Variants in REG3G observed in about 807,000 individuals in gnomAD.
REG3G encodes the protein regenerating family member 3 gamma, also known as regenerating islet-derived protein 3-gamma.
REG3G carries 19 observed loss-of-function variants against 20.9 expected under a neutral mutation model. The ratio of observed to expected loss-of-function variants is 0.91; its 90% CI spans 0.64 to 1.34. The LOEUF is 1.34. Ranked by LOEUF, REG3G falls within the 40% of genes most tolerant of loss-of-function variation. The pLI, the probability that REG3G is intolerant of heterozygous loss-of-function variation, is 0.00. For synonymous variants in REG3G, 89 were observed against 77.4 expected, an observed-to-expected ratio of 1.15 and a Z score of -0.79; for missense variants, 235 against 205.0, an observed-to-expected ratio of 1.15 and a Z score of -0.89.
intron 2 of REG3G, 63 bp downstream of exon 2, chr2:79,026,232 A>G: frequency 6.5e-7 from 1 of 1,533,238 alleles, no homozygotes; most frequent in East Asian, 2.3e-5. Context: ...GAAAAGGAGG[A>G]AGGCTCCTGT....
intron 2 of REG3G, 145 bp downstream of exon 2, chr2:79,026,314 A>C: frequency 1.3e-6 from 1 of 775,192 alleles, no homozygotes; most frequent in South Asian, 1.7e-5. Context: ...TCCTTCCTTC[A>C]TGTTAACTTG....
Position 79,026,188 on chromosome 2 carries a change from T to C in REG3G, c.76+19T>C. The stretch of plus-strand genomic sequence containing the variant: ...GTTCAAGGTGAGATTTCTCTGCCTC[T>C]AGCACTGGGTTCCCTATGAATCCTC... On this transcript the variant is annotated intron_variant, in intron 2 of 5. Coordinates refer to ENST00000272324, the MANE Select transcript of REG3G (RefSeq NM_001008387.3). 3 of 1,612,386 alleles carry C rather than the reference T, an allele frequency of 1.9e-6. No individual in the cohort carries two copies. The highest frequency in any genetic ancestry group is 2.5e-6 in the Non-Finnish European group (3 of 1,178,480).
Position 79,025,775 on chromosome 2 carries a change from T to A in REG3G, c.-112+2T>A. 3.6e-6 allele frequency: 1 copy of A among 279,074 alleles called. No homozygotes were observed. The highest frequency in any genetic ancestry group is 6.8e-6 in the Non-Finnish European group (1 of 146,536). 17.3% of individuals were successfully genotyped at this position (279,074 alleles called of 1,614,324 possible). On this transcript the variant is annotated splice_donor_variant, in intron 1 of 5. Coordinates refer to ENST00000272324, the MANE Select transcript of REG3G (RefSeq NM_001008387.3). LOFTEE classifies it low-confidence loss of function (5UTR_SPLICE). ...AGCATACCAGATCTCACCAGAGAGG[T>A]AAGTGGGAGCTGAGAGAAGATGAGA...
At chr2:79,026,542 C>A in intron 2 of REG3G, 171 bp from the exon 3 acceptor site, 1 of 623,822 alleles carries the variant, frequency 1.6e-6, no homozygotes, top group South Asian at 2.0e-5. Context: ...AGATGGTGGC[C>A]CATTTAGTAG....
In REG3G at chr2:79,027,190, C is replaced by T; in HGVS notation, c.333+19C>T. ...CACACAGGTGCGAGTATATCCTCCC[C>T]TCTCTGTTACCTCTCAAGGTACTGT... On this transcript the variant is annotated intron_variant, in intron 4 of 5. Coordinates refer to ENST00000272324, the MANE Select transcript of REG3G (RefSeq NM_001008387.3). 4 of 1,612,680 alleles carry T rather than the reference C, an allele frequency of 2.5e-6. No individual in the cohort carries two copies. Among genetic ancestry groups the T allele is most frequent in the African/African-American group, 2.7e-5 (2 of 74,990 alleles).
intron 2 of REG3G, 69 bp downstream of exon 2, chr2:79,026,238 C>A: frequency 6.7e-7 from 1 of 1,491,574 alleles, no homozygotes; most frequent in Non-Finnish European, 9.4e-7. Flanking sequence ...GAGGAAGGCT[C>A]CTGTGTGTCA....
rs777878756 is a variant in REG3G, at chr2:79,026,150, T to C, written c.57T>C (p.Ile19=). The C allele has an allele frequency of 1.9e-6, 3 of 1,613,890 alleles. No individual in the cohort carries two copies. The South Asian group carries it at 3.3e-5, about 18-fold the overall frequency. ...SVSWMLLSCL[I]LLCQVQGEET... is the part of the protein sequence containing the mutation. ...CCTGGATGCTGCTTTCCTGCCTCAT[T>C]CTCCTGTGTCAGGTTCAAGGTGAGA... Residue 19 remains isoleucine, a synonymous_variant, in exon 2 of 6, where the codon ATT becomes ATC. Transcript: ENST00000272324.
chr2:79,026,327 G>C (rs1191517486), intron 2 of REG3G, 158 bp downstream of exon 2: 2 of 717,756 alleles, frequency 2.8e-6, no homozygotes, highest in Non-Finnish European at 4.8e-6. Flanking sequence ...TTAACTTGCA[G>C]TGGGAGGCTC....
At chr2:79,025,955 A>G in intron 1 of REG3G, 28 bp from the exon 2 acceptor site, 1 of 753,604 alleles carries the variant, frequency 1.3e-6, no homozygotes, top group Non-Finnish European at 2.3e-6. Flanking sequence ...ACTGTAGAAG[A>G]TGATGAATGT....
chr2:79,027,813 G>A lies in REG3G; in HGVS notation c.340G>A (p.Glu114Lys), dbSNP rs1671662680. The A allele has an allele frequency of 6.2e-7, 1 of 1,614,010 alleles. No individual in the cohort carries two copies. Among genetic ancestry groups the A allele is most frequent in the East Asian group, 2.2e-5 (1 of 44,850 alleles). ...TGCCTCCTCTTCTCTATAGGGCTCTGAGCCTGATGGAGATGGATGGGAGTG... is the reference window on the plus strand; with the variant it reads ...TGCCTCCTCTTCTCTATAGGGCTCTAAGCCTGATGGAGATGGATGGGAGTG... ...IGLHDPTQGS[E>K]PDGDGWEWSS... Residue 114 changes from glutamate (E) to lysine (K), a missense_variant, in exon 5 of 6, where the codon GAG (glutamate) becomes AAG (lysine). Coordinates refer to ENST00000272324, the MANE Select transcript of REG3G (RefSeq NM_001008387.3).
chr2:79,026,275 G>T, intron 2 of REG3G, 106 bp downstream of exon 2: 1 of 1,116,764 alleles, frequency 9.0e-7, no homozygotes. Context: ...GGTGTCTAAT[G>T]AAACTGCCTG....
intron 4 of REG3G, 137 bp downstream of exon 4, chr2:79,027,308 T>C (rs952696847): frequency 2.1e-6 from 2 of 942,382 alleles, no homozygotes; most frequent in East Asian, 2.5e-5. Context: ...TTTGGGAGAA[T>C]AGGAAGTCCA....
rs1671627956 is a variant in REG3G, at chr2:79,026,713, G to T, written c.77G>T (p.Gly26Val). ...CTCTCTCCCTTTTCTTCCACCCCAG[G>T]TGAAGAAACCCAGAAGGAACTGCCC... ...SCLILLCQVQ[G>V]EETQKELPSP... Residue 26 changes from glycine (G) to valine (V), a missense_variant and splice_region_variant, in exon 3 of 6, where the codon GGT becomes GTT. Transcript: ENST00000272324. The T allele has an allele frequency of 6.2e-7, 1 of 1,612,428 alleles. No individual in the cohort carries two copies. The highest frequency in any genetic ancestry group is 1.1e-5 in the South Asian group (1 of 90,994).
At chr2:79,026,369 G>A (rs1671620210) in intron 2 of REG3G, 200 bp downstream of exon 2, 1 of 620,028 alleles carries the variant, frequency 1.6e-6, no homozygotes, top group Non-Finnish European at 2.9e-6. Context: ...GAATGAGATG[G>A]CTTCCATTTA....
At position 79,028,039 on chromosome 2, in the gene REG3G, C is replaced by T. The variant is rs1171511861; in HGVS notation, c.460+106C>T. 2.8e-6 allele frequency: 4 copies of T among 1,436,616 alleles called. No individual in the cohort carries two copies. The African/African-American group carries it at 4.2e-5, about 15-fold the overall frequency. The allele number at this position is 1,436,616 out of a possible 1,614,324, so 89.0% of individuals were successfully genotyped here. ...AGCTAGGTAATGCAGTGTTTATGTG[C>T]CTTCTCCCGTCTCCTCTCATCTCTG... is the stretch of plus-strand genomic sequence containing the variant. On this transcript the variant is annotated intron_variant, in intron 5 of 5. Transcript: ENST00000272324.
rs1671647083 is a variant in REG3G, at chr2:79,027,185, C to T, written c.333+14C>T. Reference sequence around the variant, plus strand: ...GACCCCACACAGGTGCGAGTATATCCTCCCCTCTCTGTTACCTCTCAAGGT... The same window carrying T: ...GACCCCACACAGGTGCGAGTATATCTTCCCCTCTCTGTTACCTCTCAAGGT... On this transcript the variant is annotated intron_variant, in intron 4 of 5. Coordinates refer to ENST00000272324, the MANE Select transcript of REG3G (RefSeq NM_001008387.3). 6.2e-7 allele frequency: 1 copy of T among 1,613,016 alleles called. No homozygotes were observed. The highest frequency in any genetic ancestry group is 8.5e-7 in the Non-Finnish European group (1 of 1,179,232).
At chr2:79,026,555 C>T in intron 2 of REG3G, 158 bp from the exon 3 acceptor site, 1 of 651,460 alleles carries the variant, frequency 1.5e-6, no homozygotes, top group Non-Finnish European at 2.7e-6. Flanking sequence ...TTTAGTAGGG[C>T]TATTTTGAGA....
In REG3G at chr2:79,026,109, G is replaced by A. The variant is rs1671611317; in HGVS notation, c.16G>A (p.Ala6Thr). 6.2e-7 allele frequency: 1 copy of A among 1,613,916 alleles called. No individual in the cohort carries two copies. The highest frequency in any genetic ancestry group is 2.2e-5 in the East Asian group (1 of 44,854). The change falls in exon 2 of 6, where the codon GCC (alanine) becomes ACC (threonine). Residue 6 changes from alanine (A) to threonine (T), a missense_variant. By Grantham distance (58) the Ala-to-Thr change is moderately conservative (BLOSUM62 0). Transcript: ENST00000272324. MLPPM[A>T]LPSVSWMLLS... ...CGCAGACACTATGCTGCCTCCCATG[G>A]CCCTGCCCAGTGTGTCCTGGATGCT...
Position 79,028,366 on chromosome 2 carries a change from C to G in REG3G, c.*90C>G. 2.3e-6 allele frequency: 2 copies of G among 857,858 alleles called. No individual in the cohort carries two copies. The highest frequency in any genetic ancestry group is 3.6e-5 in the Admixed American group (2 of 56,122). The allele number at this position is 857,858 out of a possible 1,614,324, so 53.1% of individuals were successfully genotyped here. On this transcript the variant is annotated 3_prime_UTR_variant, in exon 6 of 6. Coordinates refer to ENST00000272324, the MANE Select transcript of REG3G (RefSeq NM_001008387.3). ...AAGACTCACCCTGGAAGAGAATATT[C>G]TCCCCAAACTGCCCTACCTGACTAC...
Sources: gnomAD v4.1 joint callset for allele counts on GRCh38, gnomAD v4.1.1 for gene constraint, MANE v1.5 for transcripts, NCBI Gene and HGNC (gene_info 2026-07-23, HGNC 2026-07-21) for gene names.